Variants in TSNARE1 observed in about 807,000 individuals in gnomAD.
TSNARE1 encodes t-SNARE domain-containing protein 1.
A neutral mutation model predicts 62.0 loss-of-function variants in TSNARE1; 49 were observed. The observed-to-expected ratio is 0.79, with a 90% CI of 0.63 to 1.00. The LOEUF (loss-of-function observed/expected upper bound fraction) is 1.00, where lower values mean the gene tolerates loss of function less well. Ranked by LOEUF, TSNARE1 falls within the 50% of genes least tolerant of loss-of-function variation. TSNARE1 has a pLI of 0.00. For missense variants in TSNARE1, 755 were observed against 700.1 expected, an observed-to-expected ratio of 1.08 and a Z score of -0.88; for synonymous variants, 328 against 294.4, an observed-to-expected ratio of 1.11 and a Z score of -1.17.
intron 13 of TSNARE1, among the ~76,000 whole-genome samples, chr8:142,222,961 C>CACTCATCCACTCATCT (rs1816491188): frequency 6.6e-6 from 1 of 150,754 alleles, no homozygotes; most frequent in African/African-American, 2.4e-5. Flanking sequence ...TCCACTCACT[C>CACTCATCCACTCATCT]ACTCATTCAC....
intron 1 of TSNARE1, among the ~76,000 whole-genome samples, chr8:142,356,919 G>A (rs909778388): frequency 6.6e-6 from 1 of 152,082 alleles, no homozygotes; most frequent in African/African-American, 2.4e-5. Flanking sequence ...TGTGTTAACA[G>A]CCCCAGGACA....
intron 10 of TSNARE1, among the ~76,000 whole-genome samples, chr8:142,292,630 AGCAAGG>A (rs1266702203): frequency 6.6e-6 from 1 of 152,158 alleles, no homozygotes; most frequent in Non-Finnish European, 1.5e-5. Flanking sequence ...TGGAATGAGA[AGCAAGG>A]TCAAGGTCAA....
intron 12 of TSNARE1, among the ~76,000 whole-genome samples, chr8:142,233,727 G>C (rs972662843): frequency 6.6e-6 from 1 of 152,118 alleles, no homozygotes; most frequent in Non-Finnish European, 1.5e-5. Context: ...TTTGGAAGGC[G>C]GCTTGCTCCC....
At chr8:142,276,545 G>C (rs1820532199) in intron 11 of TSNARE1, 2 of 985,354 alleles carry the variant, frequency 2.0e-6, no homozygotes, top group East Asian at 1.1e-4. Context: ...TTTGCCAGCA[G>C]AGACAGGAAG....
chr8:142,245,035 C>A (rs923675530), intron 12 of TSNARE1, among the ~76,000 whole-genome samples: 2 of 152,262 alleles, frequency 1.3e-5, no homozygotes, highest in Non-Finnish European at 2.9e-5. Flanking sequence ...CATGAACAGA[C>A]TTTTCGCAGT....
At chr8:142,315,272 G>A (rs180706320) in intron 7 of TSNARE1, among the ~76,000 whole-genome samples, 180 bp from the exon 8 acceptor site, 307 of 152,252 alleles carry the variant, frequency 2.0e-3, no homozygotes, top group Non-Finnish European at 3.3e-3. Context: ...GGTCCCCAGG[G>A]ACACCATCAC....
At chr8:142,392,827 C>G (rs1266113245) in intron 1 of TSNARE1, among the ~76,000 whole-genome samples, 1 of 151,952 alleles carries the variant, frequency 6.6e-6, no homozygotes, top group Non-Finnish European at 1.5e-5. Context: ...GTAATCCCAG[C>G]TACTAAAGAG....
At chr8:142,240,015 A>G (rs750496884) in intron 12 of TSNARE1, among the ~76,000 whole-genome samples, 24 of 152,356 alleles carry the variant, frequency 1.6e-4, no homozygotes, top group Admixed American at 5.9e-4. Flanking sequence ...AAGTCCCCAT[A>G]TATCAATAAT....
chr8:142,388,550 C>CTTTTTTTTTTTT (rs71313221), intron 1 of TSNARE1, among the ~76,000 whole-genome samples: 12 of 67,410 alleles, frequency 1.8e-4, no homozygotes, highest in Non-Finnish European at 2.7e-4. Flanking sequence ...AAAACAAAAT[C>CTTTTTTTTTTTT]TTTTTTTTTT....
chr8:142,225,329 CT>C (rs1166676663), intron 13 of TSNARE1, among the ~76,000 whole-genome samples: 6 of 152,156 alleles, frequency 3.9e-5, no homozygotes, highest in Non-Finnish European at 5.9e-5. Flanking sequence ...CTCCTTGGCC[CT>C]GGCCCTGCTG....
At chr8:142,376,310 G>A (rs536544971) in intron 1 of TSNARE1, among the ~76,000 whole-genome samples, 16 of 152,210 alleles carry the variant, frequency 1.1e-4, no homozygotes, top group Non-Finnish European at 1.9e-4. Context: ...CTGGGGCCCA[G>A]TGAACCCTGC....
chr8:142,383,025 G>A (rs759454402), intron 1 of TSNARE1, among the ~76,000 whole-genome samples: 1 of 152,104 alleles, frequency 6.6e-6, no homozygotes, highest in Non-Finnish European at 1.5e-5. Flanking sequence ...TCAAGAGAAG[G>A]TGGGGACCCT....
At chr8:142,360,277 G>C (rs933905346) in intron 1 of TSNARE1, among the ~76,000 whole-genome samples, 2 of 152,166 alleles carry the variant, frequency 1.3e-5, no homozygotes, top group African/African-American at 4.8e-5. Context: ...GCAGAGGACA[G>C]GGACGAGGCA....
chr8:142,396,880 G>A (rs1022537890), intron 1 of TSNARE1, among the ~76,000 whole-genome samples: 6 of 152,192 alleles, frequency 3.9e-5, no homozygotes, highest in African/African-American at 9.7e-5. Context: ...ACAGCCTGAC[G>A]CTCAGGTCTA....
rs1451829731 is a variant in TSNARE1, at chr8:142,291,080, T to C, written c.1291-6595A>G. ...AACCTCTCCTGCCCAGGGAGATGAA[T>C]TGCTGCTCGCCACCCGCTGCTCAGG... On this transcript the variant is annotated intron_variant, in intron 10 of 13. Transcript: ENST00000524325. This position sits in a 1 kb window ranked among gnomAD's most constrained non-coding sequence, Gnocchi z 4.8. Among the ~76,000 whole-genome samples the C allele has an allele frequency of 1.3e-5, 2 of 152,040 alleles. No individual in the cohort carries two copies. Among genetic ancestry groups the C allele is most frequent in the African/African-American group, 2.4e-5 (1 of 41,392 alleles).
At chr8:142,341,891 G>C (rs528222514) in intron 4 of TSNARE1, among the ~76,000 whole-genome samples, 3 of 152,218 alleles carry the variant, frequency 2.0e-5, no homozygotes, top group African/African-American at 7.2e-5. Flanking sequence ...AACCCTGTGA[G>C]GAGGGCAGGA....
At chr8:142,240,107 T>C (rs911127072) in intron 12 of TSNARE1, among the ~76,000 whole-genome samples, 2 of 152,108 alleles carry the variant, frequency 1.3e-5, no homozygotes, top group East Asian at 1.9e-4. Context: ...ACAAGAGGCA[T>C]ATCAAAAGCA....
At chr8:142,277,352 C>A in intron 11 of TSNARE1, 1 of 985,434 alleles carries the variant, frequency 1.0e-6, no homozygotes, top group Non-Finnish European at 1.2e-6. Flanking sequence ...AAGGAAACTG[C>A]CTGCCCAGTG....
intron 12 of TSNARE1, among the ~76,000 whole-genome samples, chr8:142,255,770 C>T (rs890889524): frequency 1.1e-5 from 1 of 92,048 alleles, no homozygotes; most frequent in Non-Finnish European, 2.6e-5. Flanking sequence ...ATCACCATCA[C>T]CACCACCATC....
Sources: gnomAD v4.1 joint callset for allele counts (sites outside exome capture counted in the v4.1 genomes callset) on GRCh38, gnomAD v4.1.1 for gene constraint, Gnocchi (gnomAD v3.1) non-coding constraint, MANE v1.5 for transcripts, NCBI Gene and HGNC (gene_info 2026-07-23, HGNC 2026-07-21) for gene names.